Variants in BLVRA observed in about 807,000 individuals in gnomAD.
The protein encoded by BLVRA is BVR A.
Under a neutral mutation model 32.8 loss-of-function variants are expected in BLVRA, and 22 were observed. The observed-to-expected ratio is 0.67, with a 90% CI of 0.48 to 0.96. The LOEUF (loss-of-function observed/expected upper bound fraction) is 0.96, where lower values mean the gene tolerates loss of function less well. BLVRA is among the 40% of genes least tolerant of loss of function. The pLI is 0.00. For synonymous variants in BLVRA, 119 were observed against 141.3 expected, an observed-to-expected ratio of 0.84 and a Z score of 1.12; for missense variants, 323 against 358.1, an observed-to-expected ratio of 0.90 and a Z score of 0.79.
chr7:43,791,217 T>C (rs746060106), intron 3 of BLVRA, 32 bp from the exon 4 acceptor site: 9 of 1,613,640 alleles, frequency 5.6e-6, no homozygotes, highest in South Asian at 3.3e-5. Context: ...CTGTCTACCA[T>C]TGAGTTCCAT....
upstream of BLVRA, among the ~76,000 whole-genome samples, chr7:43,758,193 C>T (rs1235714694): frequency 6.6e-6 from 1 of 152,224 alleles, no homozygotes; most frequent in African/African-American, 2.4e-5. Flanking sequence ...CCCTCCGCTC[C>T]TCACATTTAC....
chr7:43,772,550 C>T (rs943071299), intron 2 of BLVRA, among the ~76,000 whole-genome samples: 5 of 152,190 alleles, frequency 3.3e-5, no homozygotes, highest in Admixed American at 6.5e-5. Context: ...ATGAGACATT[C>T]CTGGTCCATT....
chr7:43,796,807 A>G (rs1038138182), intron 5 of BLVRA, among the ~76,000 whole-genome samples: 5 of 152,374 alleles, frequency 3.3e-5, no homozygotes, highest in East Asian at 1.9e-4. Context: ...CTTATCTTTG[A>G]TAAGAGATCA....
intron 2 of BLVRA, among the ~76,000 whole-genome samples, chr7:43,773,678 G>A (rs1401586556): frequency 6.6e-6 from 1 of 152,158 alleles, no homozygotes; most frequent in African/African-American, 2.4e-5. Context: ...TGGGTCAAAT[G>A]GTATTTCCAG....
At chr7:43,789,499 G>A (rs2095782750) in intron 3 of BLVRA, among the ~76,000 whole-genome samples, 1 of 152,074 alleles carries the variant, frequency 6.6e-6, no homozygotes, top group Non-Finnish European at 1.5e-5. Context: ...GTTAAGATCA[G>A]GCAGCACCGT....
chr7:43,765,931 C>T (rs1282489550), intron 1 of BLVRA, among the ~76,000 whole-genome samples: 1 of 151,996 alleles, frequency 6.6e-6, no homozygotes, highest in Admixed American at 6.6e-5. Context: ...AAATTTAGAG[C>T]CTTATCTCAT....
In BLVRA at chr7:43,767,198, C is replaced by A. The variant is rs537710662; in HGVS notation, c.-21-3940C>A. 29 of 604,610 alleles carry A rather than the reference C, an allele frequency of 4.8e-5. No homozygotes were observed. In the South Asian group the frequency reaches 5.1e-4, roughly 11 times the overall value. The allele number at this position is 604,610 out of a possible 1,614,324, so 37.5% of individuals were successfully genotyped here. On this transcript the variant is annotated intron_variant, in intron 1 of 7. Transcript: ENST00000265523. ...AAGTTCATAAGTAATGTTCTGTAGG[C>A]CACTTTTATAGGAAAACTTTCCTCT...
At chr7:43,792,589 C>T (rs1041783731) in intron 4 of BLVRA, 126 bp from the exon 5 acceptor site, 13 of 891,310 alleles carry the variant, frequency 1.5e-5, no homozygotes, top group Non-Finnish European at 2.4e-5. Context: ...CTCCTACCCC[C>T]AGTCATGACA....
At chr7:43,796,973 T>C (rs2095793491) in intron 5 of BLVRA, among the ~76,000 whole-genome samples, 1 of 152,190 alleles carries the variant, frequency 6.6e-6, no homozygotes, top group African/African-American at 2.4e-5. Flanking sequence ...CACTAATCCT[T>C]ATAGAAAATG....
chr7:43,806,607 G>T (rs2095804273), intron 7 of BLVRA, among the ~76,000 whole-genome samples: 1 of 152,056 alleles, frequency 6.6e-6, no homozygotes, highest in African/African-American at 2.4e-5. Flanking sequence ...AAGTAGCCAG[G>T]CATGGTGGCA....
At chr7:43,800,396 G>A (rs2095797332) in intron 5 of BLVRA, 69 bp from the exon 6 acceptor site, 1 of 1,418,048 alleles carries the variant, frequency 7.1e-7, no homozygotes, top group Non-Finnish European at 1.0e-6. Flanking sequence ...GGATGACAGA[G>A]TACCCTCTGG....
intron 2 of BLVRA, among the ~76,000 whole-genome samples, chr7:43,773,359 A>G (rs1410853390): frequency 6.6e-6 from 1 of 151,848 alleles, no homozygotes; most frequent in East Asian, 1.9e-4. Context: ...TCATTGTTCA[A>G]TTCCCACCTA....
intron 3 of BLVRA, among the ~76,000 whole-genome samples, chr7:43,788,803 ATT>A (rs764196616): frequency 1.6e-4 from 23 of 139,568 alleles, no homozygotes; most frequent in African/African-American, 2.1e-4. Flanking sequence ...CGCCTGGATA[ATT>A]TTTTTTTTTT....
intron 2 of BLVRA, among the ~76,000 whole-genome samples, chr7:43,784,844 A>G (rs968574120): frequency 6.6e-6 from 1 of 152,056 alleles, no homozygotes; most frequent in African/African-American, 2.4e-5. Flanking sequence ...CCTGACCTCA[A>G]GTGATCCGCC....
At chr7:43,769,869 A>C (rs1177217185) in intron 1 of BLVRA, among the ~76,000 whole-genome samples, 1 of 152,138 alleles carries the variant, frequency 6.6e-6, no homozygotes, top group Non-Finnish European at 1.5e-5. Flanking sequence ...TTGTCCTCCC[A>C]AAGTACTGGG....
In BLVRA at chr7:43,792,774, C is replaced by T. The variant is rs142897365; in HGVS notation, c.314C>T (p.Ala105Val). The T allele has an allele frequency of 5.6e-4, 898 of 1,614,170 alleles. 2 individuals are homozygous for T. The African/African-American group carries it at 9.8e-3, about 18-fold the overall frequency. The change falls in exon 5 of 8, where the codon GCG becomes GTG. Residue 105 changes from alanine to valine, a missense_variant. Transcript: ENST00000265523. ...GAATACCCCATGACACTGTCATTGG[C>T]GGCCGCTCAGGAACTGTGGGAGCTG... ...LVEYPMTLSLAAAQELWELAE... is the reference protein window; with the variant it reads ...LVEYPMTLSLVAAQELWELAE...
intron 2 of BLVRA, among the ~76,000 whole-genome samples, chr7:43,783,063 C>T (rs1366002782): frequency 2.0e-5 from 3 of 151,986 alleles, no homozygotes; most frequent in Non-Finnish European, 4.4e-5. Flanking sequence ...TGAGCCAAGG[C>T]GCTATACACT....
chr7:43,803,606 AC>A, intron 6 of BLVRA, 69 bp from the exon 7 acceptor site: 1 of 449,306 alleles, frequency 2.2e-6, no homozygotes, highest in Non-Finnish European at 3.8e-6. Context: ...CGCCACCCCC[AC>A]CCCCCTGTCC....
At chr7:43,793,907 T>G (rs1479242955) in intron 5 of BLVRA, among the ~76,000 whole-genome samples, 4 of 149,322 alleles carry the variant, frequency 2.7e-5, no homozygotes, top group Non-Finnish European at 5.9e-5. Flanking sequence ...CAGGCATGAG[T>G]GACCGTGCCC....
Sources: allele counts gnomAD v4.1 joint callset (sites outside exome capture counted in the v4.1 genomes callset), GRCh38; gene constraint gnomAD v4.1.1; transcripts MANE v1.5; gene names NCBI Gene and HGNC (gene_info 2026-07-23, HGNC 2026-07-21).